The following GRID1 variants were observed in gnomAD, a reference collection of about 807,000 sequenced individuals.
GRID1 encodes the protein glutamate receptor ionotropic, delta-1.
In GRID1, 28 loss-of-function variants were observed where a neutral mutation model predicts 98.0. That is an observed-to-expected ratio of 0.29 (90% CI 0.21 to 0.39). The LOEUF (loss-of-function observed/expected upper bound fraction) is 0.39, where lower values mean the gene tolerates loss of function less well. GRID1 is among the 10% of genes least tolerant of loss of function. The pLI, the probability that GRID1 is intolerant of heterozygous loss-of-function variation, is 1.00. For missense variants in GRID1, 1,111 were observed against 1,340.5 expected, an observed-to-expected ratio of 0.83 and a Z score of 2.67; for synonymous variants, 553 against 538.5, an observed-to-expected ratio of 1.03 and a Z score of -0.37.
chr10:85,778,327 A>G (rs974859238), intron 8 of GRID1, among the ~76,000 whole-genome samples: 14 of 152,152 alleles, frequency 9.2e-5, no homozygotes, highest in African/African-American at 3.4e-4. Flanking sequence ...CAGGTGGCTC[A>G]GCAAGGTAAG....
chr10:85,751,038 T>A (rs1022780605), intron 8 of GRID1, among the ~76,000 whole-genome samples: 1 of 152,114 alleles, frequency 6.6e-6, no homozygotes, highest in Non-Finnish European at 1.5e-5. Context: ...AGAAATAGAA[T>A]GTGTTGGATA....
At chr10:85,713,570 A>T (rs895777855) in intron 12 of GRID1, among the ~76,000 whole-genome samples, 1 of 151,570 alleles carries the variant, frequency 6.6e-6, no homozygotes, top group African/African-American at 2.4e-5. Context: ...CTAATATCCC[A>T]GATGAGCATA....
chr10:86,364,161 G>A, intron 1 of GRID1, 65 bp from the exon 2 acceptor site: 3 of 1,378,216 alleles, frequency 2.2e-6, no homozygotes, highest in South Asian at 1.2e-5. Context: ...CCCTTGGCCC[G>A]AGGGTCAAGG....
In GRID1 at chr10:85,744,303, G is replaced by T. The variant is rs975477976; in HGVS notation, c.1234-14689C>A. On this transcript the variant is annotated intron_variant, in intron 8 of 15. Coordinates refer to ENST00000327946, the MANE Select transcript of GRID1 (RefSeq NM_017551.3). ...ATTCAAGCTAAAGAAGAGACTGTCA[G>T]AAATATTTGCAAGTGTGGCTTTTAT... Among the ~76,000 whole-genome samples, 70 of 152,186 alleles carry T rather than the reference G, an allele frequency of 4.6e-4. 1 individual carries two copies. The highest frequency in any genetic ancestry group is 1.3e-4 in the Non-Finnish European group (9 of 68,036).
intron 5 of GRID1, among the ~76,000 whole-genome samples, chr10:85,913,577 G>A (rs1841569867): frequency 6.6e-6 from 1 of 152,134 alleles, no homozygotes; most frequent in Non-Finnish European, 1.5e-5. Context: ...ATCACTTGAG[G>A]TCGGGAGTTC....
intron 4 of GRID1, among the ~76,000 whole-genome samples, chr10:86,009,454 C>T (rs935107442): frequency 6.6e-6 from 1 of 152,122 alleles, no homozygotes; most frequent in Non-Finnish European, 1.5e-5. Context: ...GAACATCAAG[C>T]AACAGAATTT....
At chr10:85,738,649 G>T (rs1235671906) in intron 8 of GRID1, among the ~76,000 whole-genome samples, 1 of 152,176 alleles carries the variant, frequency 6.6e-6, no homozygotes, top group African/African-American at 2.4e-5. Context: ...TTACACAACA[G>T]AGTACTACTC....
At chr10:86,109,479 G>A (rs1844444166) in intron 4 of GRID1, among the ~76,000 whole-genome samples, 1 of 152,142 alleles carries the variant, frequency 6.6e-6, no homozygotes. Context: ...GGCCAAACAG[G>A]GCTCTCTCCA....
At position 85,791,816 on chromosome 10, in the gene GRID1, T is replaced by C. The variant is rs145480683; in HGVS notation, c.1234-62202A>G. 1.4e-3 allele frequency among the ~76,000 whole-genome samples: 217 copies of C among 152,176 alleles called. 1 individual carries two copies. In the East Asian group the frequency reaches 0.037, roughly 26 times the overall value. Reference sequence around the variant, plus strand: ...AGATACAAGAGTTCAAAGAAGAGATTATAAAACAACAGACAGAGATGAAAA... The same window carrying C: ...AGATACAAGAGTTCAAAGAAGAGATCATAAAACAACAGACAGAGATGAAAA... On this transcript the variant is annotated intron_variant, in intron 8 of 15. Transcript: ENST00000327946.
intron 3 of GRID1, among the ~76,000 whole-genome samples, chr10:86,175,667 T>G (rs114699577): frequency 6.6e-6 from 1 of 152,040 alleles, no homozygotes; most frequent in African/African-American, 2.4e-5. Context: ...GGGGAGTGTT[T>G]GGTAAATGTT....
At chr10:86,201,795 T>C (rs760824181) in intron 3 of GRID1, among the ~76,000 whole-genome samples, 11 of 151,754 alleles carry the variant, frequency 7.2e-5, no homozygotes, top group Non-Finnish European at 1.2e-4. Flanking sequence ...TTTCCATGCT[T>C]AGATACAACT....
At chr10:85,840,251 T>C (rs1842950008) in intron 8 of GRID1, among the ~76,000 whole-genome samples, 1 of 152,142 alleles carries the variant, frequency 6.6e-6, no homozygotes, top group Non-Finnish European at 1.5e-5. Context: ...CCCTATCTCA[T>C]TCTATGAGGC....
chr10:86,046,818 C>T (rs1375128436), intron 4 of GRID1, among the ~76,000 whole-genome samples: 1 of 145,520 alleles, frequency 6.9e-6, no homozygotes, highest in Admixed American at 7.0e-5. Flanking sequence ...TCTGTAAGTG[C>T]TTTGAATCCC....
At chr10:85,824,202 G>C (rs1332785686) in intron 8 of GRID1, among the ~76,000 whole-genome samples, 1 of 147,218 alleles carries the variant, frequency 6.8e-6, no homozygotes, top group East Asian at 1.9e-4. Flanking sequence ...TTGTTTGTTT[G>C]TTTGTTTTTT....
intron 4 of GRID1, among the ~76,000 whole-genome samples, chr10:86,095,474 T>C (rs1844208177): frequency 6.6e-6 from 1 of 151,598 alleles, no homozygotes; most frequent in Non-Finnish European, 1.5e-5. Context: ...AGGACTAATA[T>C]CCAGAATCTA....
intron 2 of GRID1, among the ~76,000 whole-genome samples, chr10:86,287,201 C>T (rs1847443616): frequency 6.6e-6 from 1 of 152,126 alleles, no homozygotes; most frequent in South Asian, 2.1e-4. Context: ...AGAAACAGGA[C>T]CAGACAGAAA....
intron 13 of GRID1, among the ~76,000 whole-genome samples, chr10:85,621,731 T>C (rs999674962): frequency 3.3e-5 from 5 of 152,164 alleles, no homozygotes; most frequent in Admixed American, 3.3e-4. Flanking sequence ...TTGACCCAGG[T>C]TGCAAAATTA....
At position 85,647,322 on chromosome 10, in the gene GRID1, G is replaced by A. The variant is rs2132552590; in HGVS notation, c.2073C>T (p.Phe691=). ...TVRDSAVYEY[F]RAKGTNPLEQ... ...CCAGGGGGTTGGTGCCCTTGGCTCG[G>A]AAGTACTCATATACAGCAGAATCCC... Residue 691 remains phenylalanine (F), a synonymous_variant, in exon 13 of 16, where the codon TTC becomes TTT. Transcript: ENST00000327946. The A allele has an allele frequency of 1.2e-6, 2 of 1,614,184 alleles. No homozygotes were observed. Among genetic ancestry groups the A allele is most frequent in the Non-Finnish European group, 1.7e-6 (2 of 1,179,982 alleles).
intron 4 of GRID1, among the ~76,000 whole-genome samples, chr10:85,922,818 T>G (rs1410683400): frequency 1.3e-5 from 2 of 152,104 alleles, no homozygotes; most frequent in African/African-American, 4.8e-5. Context: ...TTTTCAGAAG[T>G]TATGCCGGGA....
Sources: allele counts gnomAD v4.1 joint callset (sites outside exome capture counted in the v4.1 genomes callset), GRCh38; gene constraint gnomAD v4.1.1; transcripts MANE v1.5; gene names NCBI Gene and HGNC (gene_info 2026-07-23, HGNC 2026-07-21).